PDE10A: variants seen among roughly 807,000 people sequenced by gnomAD.
PDE10A encodes the protein cAMP and cAMP-inhibited cGMP 3',5'-cyclic phosphodiesterase 10A.
In PDE10A, 39 loss-of-function variants were observed where a neutral mutation model predicts 97.7. The observed-to-expected ratio is 0.40, with a 90% confidence interval of 0.31 to 0.52. The LOEUF (loss-of-function observed/expected upper bound fraction) is 0.52, where lower values mean the gene tolerates loss of function less well. Ranked by LOEUF, PDE10A falls within the 20% of genes least tolerant of loss-of-function variation. The pLI is 0.56. For missense variants in PDE10A, 731 were observed against 1,047.8 expected (o/e 0.70, Z 4.17); for synonymous variants, 371 against 376.8 (o/e 0.98, Z 0.18).
At chr6:165,531,536 A>G (rs1191908756) in intron 2 of PDE10A, among the ~76,000 whole-genome samples, 1 of 152,188 alleles carries the variant, frequency 6.6e-6, no homozygotes, top group Non-Finnish European at 1.5e-5. Flanking sequence ...TATCCTTTGA[A>G]CAAAAACAGA....
intron 5 of PDE10A, among the ~76,000 whole-genome samples, chr6:165,442,554 A>G (rs1314361965): frequency 6.6e-6 from 1 of 152,116 alleles, no homozygotes; most frequent in Non-Finnish European, 1.5e-5. Context: ...CACACTTTTT[A>G]CCTACCATCA....
chr6:165,369,516 G>C (rs1219783248), intron 18 of PDE10A, among the ~76,000 whole-genome samples: 1 of 141,878 alleles, frequency 7.0e-6, no homozygotes, highest in Non-Finnish European at 1.5e-5. Flanking sequence ...AAGCGAGAAG[G>C]AAGTTTAGAG....
chr6:165,815,591 G>A (rs1443471115), intron 1 of PDE10A, among the ~76,000 whole-genome samples: 1 of 152,244 alleles, frequency 6.6e-6, no homozygotes, highest in Non-Finnish European at 1.5e-5. Context: ...TGGGGTCGGC[G>A]AAGGTGGACG....
intron 1 of PDE10A, among the ~76,000 whole-genome samples, chr6:165,914,495 G>A (rs1303172826): frequency 6.6e-6 from 1 of 152,180 alleles, no homozygotes; most frequent in Non-Finnish European, 1.5e-5. Flanking sequence ...TCCCAGCTGA[G>A]AAACAGATGC....
At chr6:165,878,117 G>A (rs776851699) in intron 1 of PDE10A, among the ~76,000 whole-genome samples, 26 of 152,136 alleles carry the variant, frequency 1.7e-4, no homozygotes, top group Non-Finnish European at 3.2e-4. Flanking sequence ...AATTCTAGTT[G>A]GAGAGACTTC....
intron 1 of PDE10A, among the ~76,000 whole-genome samples, chr6:165,799,531 T>G (rs975205225): frequency 6.6e-6 from 1 of 152,220 alleles, no homozygotes; most frequent in Admixed American, 6.5e-5. Flanking sequence ...GTCTACTGTA[T>G]GGATTCGATT....
intron 1 of PDE10A, among the ~76,000 whole-genome samples, chr6:165,672,090 A>G (rs552928578): frequency 5.1e-4 from 77 of 152,224 alleles, no homozygotes; most frequent in Non-Finnish European, 6.6e-4. Context: ...AGATACTCCC[A>G]TGAACACTGA....
intron 1 of PDE10A, among the ~76,000 whole-genome samples, chr6:165,797,114 G>A (rs7762369): frequency 0.24 from 35,992 of 152,180 alleles, 4,602 homozygotes; most frequent in African/African-American, 0.34. Flanking sequence ...CCTTGGTTTA[G>A]TGGCTTAGTC....
At chr6:165,385,029 G>T (rs1200801933) in intron 17 of PDE10A, among the ~76,000 whole-genome samples, 1 of 152,124 alleles carries the variant, frequency 6.6e-6, no homozygotes, top group Non-Finnish European at 1.5e-5. Flanking sequence ...ATAAACAGAA[G>T]TATCACAGGT....
rs1384742785 is a variant in PDE10A at position 165,943,307 on chromosome 6, G to GAA, written c.-615+44220_-615+44221dup. Among the ~76,000 whole-genome samples, 84 of 106,288 alleles carry GAA rather than the reference G, an allele frequency of 7.9e-4. 3 individuals carry two copies. Among genetic ancestry groups the GAA allele is most frequent in the African/African-American group, 3.3e-3 (70 of 21,128 alleles). The allele number at this position is 106,288 out of a possible 152,430, so 69.7% of individuals were successfully genotyped here. A position where few individuals can be genotyped will look rare whatever the true frequency, so the allele number is the denominator to read the frequency against. ...AGAAAGAAAGAAGGAAAGAAAGAAA[G>GAA]AAGGAAGGAAGGAAAGAAAGAAAAA... is the stretch of plus-strand genomic sequence containing the variant. On this transcript the variant is annotated intron_variant, in intron 1 of 19. Transcript: ENST00000366882.
At chr6:165,886,836 A>G (rs1781644059) in intron 1 of PDE10A, among the ~76,000 whole-genome samples, 1 of 152,216 alleles carries the variant, frequency 6.6e-6, no homozygotes, top group South Asian at 2.1e-4. Context: ...TTCCACAGAT[A>G]AAATCACACT....
intron 17 of PDE10A, among the ~76,000 whole-genome samples, chr6:165,380,590 AAGC>A (rs1784870113): frequency 6.6e-6 from 1 of 152,216 alleles, no homozygotes; most frequent in African/African-American, 2.4e-5. Context: ...ACAGCTTACA[AAGC>A]ACTTTGAAAC....
chr6:165,520,395 A>G (rs1204307445), intron 2 of PDE10A, among the ~76,000 whole-genome samples: 1 of 152,200 alleles, frequency 6.6e-6, no homozygotes, highest in African/African-American at 2.4e-5. Flanking sequence ...AACGCTCTTG[A>G]CATTAGTAAT....
intron 1 of PDE10A, among the ~76,000 whole-genome samples, chr6:165,606,620 A>G (rs1787221368): frequency 6.6e-6 from 1 of 152,132 alleles, no homozygotes; most frequent in Admixed American, 6.5e-5. Flanking sequence ...AACCAGAAAT[A>G]CCACATCACT....
intron 1 of PDE10A, among the ~76,000 whole-genome samples, chr6:165,565,471 T>C (rs1784729776): frequency 6.6e-6 from 1 of 152,200 alleles, no homozygotes; most frequent in South Asian, 2.1e-4. Flanking sequence ...TGGATACATA[T>C]TCCATGTTAA....
At chr6:165,680,152 C>G (rs1218896351) in intron 1 of PDE10A, among the ~76,000 whole-genome samples, 1 of 151,838 alleles carries the variant, frequency 6.6e-6, no homozygotes, top group Non-Finnish European at 1.5e-5. Flanking sequence ...CGTGAGCTCT[C>G]GTTTGTCTCT....
intron 1 of PDE10A, among the ~76,000 whole-genome samples, chr6:165,695,267 G>A (rs1414106524): frequency 1.3e-5 from 2 of 151,928 alleles, no homozygotes; most frequent in African/African-American, 4.8e-5. Flanking sequence ...TATAGCCTCT[G>A]GAAATGGTAG....
At chr6:165,392,621 A>G in intron 16 of PDE10A, 25 bp downstream of exon 16, 2 of 1,599,504 alleles carry the variant, frequency 1.3e-6, no homozygotes, top group Admixed American at 3.3e-5. Flanking sequence ...GTTACGAGAA[A>G]CAGAGGTAAA....
chr6:165,382,791 GT>G (rs2128209057), intron 17 of PDE10A, among the ~76,000 whole-genome samples: 1 of 152,114 alleles, frequency 6.6e-6, no homozygotes, highest in African/African-American at 2.4e-5. Flanking sequence ...CACAGTCAGA[GT>G]TAAAAAAGGA....
Sources: allele counts gnomAD v4.1 joint callset (sites outside exome capture counted in the v4.1 genomes callset), GRCh38; gene constraint gnomAD v4.1.1; transcripts MANE v1.5; gene names NCBI Gene and HGNC (gene_info 2026-07-23, HGNC 2026-07-21).